Variants in ICMT observed in about 807,000 individuals in gnomAD.
The protein encoded by ICMT is isoprenylcysteine carboxyl methyltransferase.
ICMT carries 10 observed loss-of-function variants against 32.2 expected under a neutral mutation model. That is an observed-to-expected ratio of 0.31 (90% confidence interval 0.19 to 0.53). ICMT has a LOEUF of 0.53. ICMT is among the 20% of genes least tolerant of loss of function. The pLI is 0.96. For synonymous variants in ICMT, 183 were observed against 158.2 expected (o/e 1.16, Z -1.18); for missense variants, 265 against 356.9 (o/e 0.74, Z 2.07).
chr1:6,235,043 C>G, intron 1 of ICMT, 69 bp from the exon 2 acceptor site: 1 of 1,300,890 alleles, frequency 7.7e-7, no homozygotes, highest in Non-Finnish European at 1.1e-6. Flanking sequence ...TGCTGACCTT[C>G]CCGGAATAGG....
Position 6,221,345 on chromosome 1 carries a change from A to G in ICMT, c.*3735T>C, listed in dbSNP as rs1453539279. On this transcript the variant is annotated 3_prime_UTR_variant, in exon 5 of 5. Transcript: ENST00000343813. ...TCAGTTCCTCTCCTTGCAATGGGAT[A>G]GGCTGCCTCTGCTGCAGATGGCTGG... The G allele has an allele frequency of 6.5e-6, 1 of 152,698 alleles. No homozygotes were observed. Among genetic ancestry groups the G allele is most frequent in the African/African-American group, 2.4e-5 (1 of 41,472 alleles). 9.5% of individuals were successfully genotyped at this position (152,698 alleles called of 1,614,324 possible).
At chr1:6,235,032 C>A (rs1668798491) in intron 1 of ICMT, 58 bp from the exon 2 acceptor site, 9 of 1,411,292 alleles carry the variant, frequency 6.4e-6, no homozygotes, top group South Asian at 2.3e-5. Flanking sequence ...CAGATCTGGG[C>A]TGCTGACCTT....
Position 6,224,990 on chromosome 1 carries a change from G to A in ICMT, c.*90C>T, listed in dbSNP as rs990194190. 1 of 1,147,430 alleles carries A rather than the reference G, an allele frequency of 8.7e-7. No individual in the cohort carries two copies. The highest frequency in any genetic ancestry group is 1.3e-6 in the Non-Finnish European group (1 of 798,234). The allele number at this position is 1,147,430 out of a possible 1,614,324, so 71.1% of individuals were successfully genotyped here. On this transcript the variant is annotated 3_prime_UTR_variant, in exon 5 of 5. Transcript: ENST00000343813. ...GTGACTAATGACATAAAACGATTAAGAAAATCCATGTGGCAGCGGCCAACC... is the reference window on the plus strand; with the variant it reads ...GTGACTAATGACATAAAACGATTAAAAAAATCCATGTGGCAGCGGCCAACC...
chr1:6,231,880 A>C (rs781062980), intron 4 of ICMT, 22 bp downstream of exon 4: 17 of 1,366,866 alleles, frequency 1.2e-5, no homozygotes, highest in Admixed American at 2.3e-5. Flanking sequence ...AAAGAAAAGC[A>C]GTGTCATATT....
At chr1:6,227,314 G>C (rs57199462) in intron 4 of ICMT, among the ~76,000 whole-genome samples, 5,569 of 152,298 alleles carry the variant, frequency 0.037, 108 homozygotes, top group Middle Eastern at 0.058. Context: ...GATTGTTAAT[G>C]TGGCGGTTTT....
At chr1:6,233,682 G>A (rs1668772004) in intron 2 of ICMT, 39 bp from the exon 3 acceptor site, 2 of 1,570,028 alleles carry the variant, frequency 1.3e-6, no homozygotes, top group Non-Finnish European at 8.7e-7. Context: ...TGGGACAAGA[G>A]AACCAAGTTA....
chr1:6,235,948 C>A lies in ICMT; in HGVS notation c.-37G>T. The A allele has an allele frequency of 1.9e-6, 2 of 1,068,356 alleles. No homozygotes were observed. The highest frequency in any genetic ancestry group is 1.7e-5 in the African/African-American group (1 of 59,584). The allele number at this position is 1,068,356 out of a possible 1,614,324, so 66.2% of individuals were successfully genotyped here. A position where few individuals can be genotyped will look rare whatever the true frequency, so the allele number is the denominator to read the frequency against. On this transcript the variant is annotated 5_prime_UTR_variant, in exon 1 of 5. Transcript: ENST00000343813. ...GCGGACTAGCGGGCGGCGGCGCCGG[C>A]TGTAGCCCGGAGAAACGCGCCGGCT...
At chr1:6,225,298 C>A (rs201276928) in intron 4 of ICMT, 36 bp from the exon 5 acceptor site, 11 of 1,588,528 alleles carry the variant, frequency 6.9e-6, no homozygotes, top group Non-Finnish European at 9.5e-6. Flanking sequence ...TCAGGGTGAC[C>A]GTGGGATGAC....
At chr1:6,233,334 TA>T in intron 3 of ICMT, 139 bp downstream of exon 3, 1 of 736,008 alleles carries the variant, frequency 1.4e-6, no homozygotes, top group South Asian at 1.9e-5. Context: ...TCATCCTTTA[TA>T]AATAGCTTAG....
Position 6,231,910 on chromosome 1 carries a change from C to A in ICMT, c.664G>T (p.Gly222Ter). Residue 222 changes from glycine (G) to a stop codon, truncating the protein, a stop_gained, in exon 4 of 5, where the codon GGA becomes TGA. Coordinates refer to ENST00000343813, the MANE Select transcript of ICMT (RefSeq NM_012405.4). LOFTEE classifies it high-confidence loss of function. The stretch of plus-strand genomic sequence containing the variant: ...CATATTTAATATTATACCTGAGTTC[C>A]AATACTCCAGTAAAACCACCCGACG... Reference protein sequence around the residue: ...SYVGWFYWSIGTQVMLCNPIC... With the variant: ...SYVGWFYWSI The A allele has an allele frequency of 1.3e-6, 2 of 1,569,738 alleles. No homozygotes were observed. The highest frequency in any genetic ancestry group is 1.7e-6 in the Non-Finnish European group (2 of 1,149,662).
intron 2 of ICMT, chr1:6,234,333 A>G (rs377661337): frequency 2.6e-6 from 1 of 386,172 alleles, no homozygotes. Context: ...AAATTTAACA[A>G]AACTGAAATA....
chr1:6,234,287 G>A (rs1045111736), intron 2 of ICMT: 1 of 357,316 alleles, frequency 2.8e-6, no homozygotes, highest in African/African-American at 2.1e-5. Context: ...GAAAGAGGGA[G>A]ATAACAACAT....
intron 3 of ICMT, among the ~76,000 whole-genome samples, chr1:6,232,443 A>C (rs1236467562): frequency 6.6e-6 from 1 of 152,188 alleles, no homozygotes; most frequent in East Asian, 1.9e-4. Context: ...AGTATAGCTA[A>C]GAGAAGCAAA....
intron 4 of ICMT, 60 bp downstream of exon 4, chr1:6,231,842 C>G: frequency 9.3e-7 from 1 of 1,072,866 alleles, no homozygotes; most frequent in Non-Finnish European, 1.3e-6. Context: ...GTGAATATCA[C>G]GTTTAAAATG....
intron 4 of ICMT, 138 bp from the exon 5 acceptor site, chr1:6,225,400 C>T: frequency 1.3e-6 from 1 of 769,098 alleles, no homozygotes; most frequent in Non-Finnish European, 2.1e-6. Context: ...GGGAGCAGTA[C>T]TGTCACCTTA....
chr1:6,230,138 A>G (rs1419445855), intron 4 of ICMT, among the ~76,000 whole-genome samples: 1 of 151,368 alleles, frequency 6.6e-6, no homozygotes. Context: ...TTTTTGAGAC[A>G]GAGTCTCACT....
intron 4 of ICMT, among the ~76,000 whole-genome samples, chr1:6,228,727 T>G (rs1668683148): frequency 6.6e-6 from 1 of 151,904 alleles, no homozygotes. Flanking sequence ...AATAGTAATT[T>G]TAAAAAAGAA....
At chr1:6,235,096 A>G in intron 1 of ICMT, 122 bp from the exon 2 acceptor site, 5 of 743,992 alleles carry the variant, frequency 6.7e-6, no homozygotes, top group Non-Finnish European at 9.1e-6. Flanking sequence ...CTGAGGTTGA[A>G]AGGGAGAAGT....
rs538056705 is a variant in ICMT at position 6,233,723 on chromosome 1, T to C, written c.285-80A>G. On this transcript the variant is annotated intron_variant, in intron 2 of 4. Coordinates refer to ENST00000343813, the MANE Select transcript of ICMT (RefSeq NM_012405.4). ...AAGTGCACATCTGGGTCTCCTGAGC[T>C]GTCCCTAAGTCTATGAGGCCCTGTT... 4.8e-5 allele frequency: 57 copies of C among 1,196,176 alleles called. 1 individual carries two copies. The South Asian group carries it at 7.5e-4, about 16-fold the overall frequency. The allele number at this position is 1,196,176 out of a possible 1,614,324, so 74.1% of individuals were successfully genotyped here.
Sources: allele counts gnomAD v4.1 joint callset (sites outside exome capture counted in the v4.1 genomes callset), GRCh38; gene constraint gnomAD v4.1.1; transcripts MANE v1.5; gene names NCBI Gene and HGNC (gene_info 2026-07-23, HGNC 2026-07-21).